BCAT1: variants seen among roughly 807,000 people sequenced by gnomAD.
The protein encoded by BCAT1 is branched chain amino acid transaminase 1.
In BCAT1, 48 loss-of-function variants were observed where a neutral mutation model predicts 52.4. The observed-to-expected ratio is 0.92, with a 90% confidence interval of 0.73 to 1.16. The LOEUF is 1.16. BCAT1 is among the 50% of genes most tolerant of loss of function. The pLI, the probability that BCAT1 is intolerant of heterozygous loss-of-function variation, is 0.00. For synonymous variants in BCAT1, 167 were observed against 161.3 expected (o/e 1.04, Z -0.27); for missense variants, 451 against 457.1 (o/e 0.99, Z 0.12).
At chr12:24,892,669 A>G (rs1279828347) in intron 3 of BCAT1, among the ~76,000 whole-genome samples, 1 of 151,998 alleles carries the variant, frequency 6.6e-6, no homozygotes, top group Non-Finnish European at 1.5e-5. Context: ...CCTGGGCAAC[A>G]TGGCAAAACC....
chr12:24,910,043 C>T (rs986113119), intron 1 of BCAT1, among the ~76,000 whole-genome samples: 13 of 152,106 alleles, frequency 8.5e-5, no homozygotes, highest in African/African-American at 2.7e-4. Context: ...ACTGCTCAGC[C>T]GGGCCCAGGC....
chr12:24,948,565 T>A (rs1454272647), intron 1 of BCAT1, among the ~76,000 whole-genome samples: 1 of 152,052 alleles, frequency 6.6e-6, no homozygotes, highest in Non-Finnish European at 1.5e-5. Context: ...TCCCCAGACC[T>A]CCTCTCCAAA....
At chr12:24,902,058 C>T (rs938886296) in intron 1 of BCAT1, 173 bp from the exon 2 acceptor site, 2 of 1,531,120 alleles carry the variant, frequency 1.3e-6, no homozygotes, top group East Asian at 2.4e-5. Context: ...ACAAGCGTGT[C>T]TTGGGAGCGC....
intron 4 of BCAT1, 109 bp from the exon 5 acceptor site, chr12:24,878,758 C>CA (rs985976942): frequency 2.4e-5 from 26 of 1,077,856 alleles, no homozygotes; most frequent in African/African-American, 8.0e-5. Flanking sequence ...AATCCCAACA[C>CA]AAAAAAATAA....
At chr12:24,847,628 A>T (rs1941387154) in intron 6 of BCAT1, among the ~76,000 whole-genome samples, 1 of 152,176 alleles carries the variant, frequency 6.6e-6, no homozygotes, top group African/African-American at 2.4e-5. Flanking sequence ...AAAGAGAGAG[A>T]GAGTGACAGA....
chr12:24,817,917 A>T lies in BCAT1; in HGVS notation c.*91T>A. 7.2e-7 allele frequency: 1 copy of T among 1,395,246 alleles called. No homozygotes were observed. The highest frequency in any genetic ancestry group is 1.0e-6 in the Non-Finnish European group (1 of 990,968). The allele number at this position is 1,395,246 out of a possible 1,614,324, so 86.4% of individuals were successfully genotyped here. On this transcript the variant is annotated 3_prime_UTR_variant, in exon 11 of 11. Coordinates refer to ENST00000261192, the MANE Select transcript of BCAT1 (RefSeq NM_005504.7). The stretch of plus-strand genomic sequence containing the variant: ...CAAACTACATTATGCACAGGTAGCC[A>T]AAGAAATCTATCACAATTCAAATGC...
At chr12:24,834,452 G>A (rs925813958) in intron 8 of BCAT1, 1 of 983,888 alleles carries the variant, frequency 1.0e-6, no homozygotes, top group Admixed American at 6.2e-5. Context: ...TTTAATTCTT[G>A]TTCTTTTACC....
intron 5 of BCAT1, among the ~76,000 whole-genome samples, chr12:24,875,675 C>A (rs941331810): frequency 3.3e-5 from 5 of 152,072 alleles, no homozygotes; most frequent in African/African-American, 1.2e-4. Context: ...AGCTTGGATT[C>A]CATATGTGTA....
intron 6 of BCAT1, among the ~76,000 whole-genome samples, chr12:24,844,540 A>G (rs1056994149): frequency 6.6e-6 from 1 of 152,198 alleles, no homozygotes; most frequent in South Asian, 2.1e-4. Context: ...TGGAAAATAG[A>G]CATCATACTA....
rs1325352822 is a variant in BCAT1 at position 24,816,590 on chromosome 12, C to A, written c.*1418G>T. The A allele has an allele frequency of 9.1e-5, 34 of 373,568 alleles. No homozygotes were observed. Among genetic ancestry groups the A allele is most frequent in the African/African-American group, 2.5e-4 (11 of 43,844 alleles). 23.1% of individuals were successfully genotyped at this position (373,568 alleles called of 1,614,324 possible). A position where few individuals can be genotyped will look rare whatever the true frequency, so the allele number is the denominator to read the frequency against. On this transcript the variant is annotated 3_prime_UTR_variant, in exon 11 of 11. Transcript: ENST00000261192. Reference sequence around the variant, plus strand: ...CAGAGTATGCCTCTTTGTTTTCTACCAAAAAAAAAAAAAAAAGATTTATTT... The same window carrying A: ...CAGAGTATGCCTCTTTGTTTTCTACAAAAAAAAAAAAAAAAAGATTTATTT...
chr12:24,836,637 A>C (rs972369757), intron 7 of BCAT1, 41 bp from the exon 8 acceptor site: 2 of 1,493,254 alleles, frequency 1.3e-6, no homozygotes, highest in Admixed American at 3.6e-5. Flanking sequence ...CTTTCACTAC[A>C]TTAGGCATGC....
At chr12:24,852,613 G>GT (rs1409198051) in intron 5 of BCAT1, among the ~76,000 whole-genome samples, 1 of 152,042 alleles carries the variant, frequency 6.6e-6, no homozygotes, top group African/African-American at 2.4e-5. Context: ...TCCACTAGGT[G>GT]GTAGTATACA....
intron 1 of BCAT1, among the ~76,000 whole-genome samples, chr12:24,935,575 T>A (rs981133107): frequency 1.3e-5 from 2 of 152,194 alleles, no homozygotes; most frequent in Non-Finnish European, 2.9e-5. Context: ...AATCTTCTAA[T>A]TCTAGCATCT....
At chr12:24,831,803 A>C (rs1380584089) in intron 9 of BCAT1, among the ~76,000 whole-genome samples, 2 of 152,266 alleles carry the variant, frequency 1.3e-5, no homozygotes, top group African/African-American at 2.4e-5. Context: ...TTTAAGTTAT[A>C]AAGTTAGATG....
At chr12:24,936,502 G>C (rs1565505936) in intron 1 of BCAT1, among the ~76,000 whole-genome samples, 1 of 152,104 alleles carries the variant, frequency 6.6e-6, no homozygotes, top group Non-Finnish European at 1.5e-5. Flanking sequence ...CAAAGTGCTG[G>C]AATTACAGGC....
chr12:24,895,535 A>G (rs1209558821), intron 2 of BCAT1, among the ~76,000 whole-genome samples: 5 of 152,078 alleles, frequency 3.3e-5, no homozygotes, highest in South Asian at 2.1e-4. Context: ...CAGAAAAAAA[A>G]AAAAGAAAAG....
intron 1 of BCAT1, among the ~76,000 whole-genome samples, chr12:24,923,072 G>C (rs1943525667): frequency 6.6e-6 from 1 of 152,082 alleles, no homozygotes; most frequent in Non-Finnish European, 1.5e-5. Context: ...CAGTGCCCAA[G>C]GTTTTTATGT....
rs1368842596 is a variant in BCAT1 at position 24,949,066 on chromosome 12, G to T, written c.-134C>A. On this transcript the variant is annotated 5_prime_UTR_variant, in exon 1 of 11. Transcript: ENST00000261192. ...TGCAGCAAGACCTGGGGCAGTGCCC[G>T]AGGCGGCGGCGAGTACACGTGGCGG... is the stretch of plus-strand genomic sequence containing the variant. The T allele has an allele frequency of 8.1e-6, 7 of 862,234 alleles. No homozygotes were observed. Among genetic ancestry groups the T allele is most frequent in the Non-Finnish European group, 1.1e-5 (6 of 557,386 alleles). 53.4% of individuals were successfully genotyped at this position (862,234 alleles called of 1,614,324 possible).
intron 10 of BCAT1, among the ~76,000 whole-genome samples, chr12:24,823,329 C>G (rs9989035): frequency 0.76 from 116,093 of 152,112 alleles, 44,816 homozygotes; most frequent in Non-Finnish European, 0.82. Context: ...ACGTCTCAGT[C>G]TCCCAAAGTG....
Sources: gnomAD v4.1 joint callset for allele counts (sites outside exome capture counted in the v4.1 genomes callset) on GRCh38, gnomAD v4.1.1 for gene constraint, MANE v1.5 for transcripts, NCBI Gene and HGNC (gene_info 2026-07-23, HGNC 2026-07-21) for gene names.